Variants in TET3 observed in about 807,000 individuals in gnomAD.
The protein encoded by TET3 is methylcytosine dioxygenase TET3.
Under a neutral mutation model 141.4 loss-of-function variants are expected in TET3, and 19 were observed. The observed-to-expected ratio is 0.13, with a 90% confidence interval of 0.09 to 0.20. TET3 has a LOEUF of 0.20. Ranked by LOEUF, TET3 falls within the 10% of genes least tolerant of loss-of-function variation. The pLI, the probability that TET3 is intolerant of heterozygous loss-of-function variation, is 1.00. For missense variants in TET3, 1,874 were observed against 2,356.9 expected (o/e 0.80, Z 4.24); for synonymous variants, 1,043 against 980.9 (o/e 1.06, Z -1.18).
At position 74,102,133 on chromosome 2, in the gene TET3, A is replaced by G. The variant is rs1256830848; in HGVS notation, c.5345A>G (p.Tyr1782Cys). Residue 1782 changes from tyrosine to cysteine, a missense_variant, in exon 12 of 12, where the codon TAT becomes TGT. Tyr to Cys is a radical substitution (Grantham distance 194). Transcript: ENST00000409262. ...PTDSAVTVSS[Y>C]AYTKVTGPYS... ...GACTCGGCGGTCACCGTGTCCTCCTATGCCTACACGAAGGTCACTGGCCCC... is the reference window on the plus strand; with the variant it reads ...GACTCGGCGGTCACCGTGTCCTCCTGTGCCTACACGAAGGTCACTGGCCCC... The G allele has an allele frequency of 1.6e-5, 23 of 1,480,498 alleles. No homozygotes were observed. Among genetic ancestry groups the G allele is most frequent in the Non-Finnish European group, 2.1e-5 (23 of 1,115,472 alleles). The allele number at this position is 1,480,498 out of a possible 1,614,324, so 91.7% of individuals were successfully genotyped here. A position where few individuals can be genotyped will look rare whatever the true frequency, so the allele number is the denominator to read the frequency against.
At position 74,039,446 on chromosome 2, in the gene TET3, G is replaced by A. The variant is rs980382342; in HGVS notation, c.361-6832G>A. ...TTTCACAGCACTGATATGATTTAGG[G>A]CATTGACTTATATATAGGCCTTTTT... On this transcript the variant is annotated intron_variant, in intron 3 of 11. Coordinates refer to ENST00000409262, the MANE Select transcript of TET3 (RefSeq NM_001287491.2). Among the ~76,000 whole-genome samples the A allele has an allele frequency of 3.3e-5, 5 of 152,272 alleles. No individual in the cohort carries two copies. In the South Asian group the frequency reaches 1.0e-3, roughly 32 times the overall value.
intron 10 of TET3, among the ~76,000 whole-genome samples, chr2:74,096,070 A>G (rs1690806297): frequency 6.6e-6 from 1 of 151,884 alleles, no homozygotes; most frequent in Non-Finnish European, 1.5e-5. Flanking sequence ...TATGTACTTT[A>G]CTTATTTTTT....
Position 74,106,329 on chromosome 2 carries a change from G to GT in TET3, c.*4159dup, listed in dbSNP as rs1418717600. The GT allele has an allele frequency of 6.5e-6, 1 of 152,678 alleles. No individual in the cohort carries two copies. The highest frequency in any genetic ancestry group is 1.5e-5 in the Non-Finnish European group (1 of 68,072). The allele number at this position is 152,678 out of a possible 1,614,324, so 9.5% of individuals were successfully genotyped here. A position where few individuals can be genotyped will look rare whatever the true frequency, so the allele number is the denominator to read the frequency against. On this transcript the variant is annotated 3_prime_UTR_variant, in exon 12 of 12. Transcript: ENST00000409262. ...CTTGATGTGAAAGAAAGGGCGAAGG[G>GT]TTTTTTGAGTTTTTGTTTTTGAGGA...
chr2:74,013,589 C>T (rs1455771156), intron 3 of TET3, among the ~76,000 whole-genome samples: 10 of 151,850 alleles, frequency 6.6e-5, no homozygotes, highest in Admixed American at 6.6e-4. Flanking sequence ...GTGGGTGGAT[C>T]ACGAGGTCAG....
chr2:74,080,670 C>G lies in TET3; in HGVS notation c.2679+79C>G, dbSNP rs193257443. ...ATGGCCACGGCTGTGCCTGGTTCCC[C>G]TTGCTGCATGTAGCTGAGCAGGCGA... is the stretch of plus-strand genomic sequence containing the variant. On this transcript the variant is annotated intron_variant, in intron 6 of 11. Transcript: ENST00000409262. 2.8e-4 allele frequency: 356 copies of G among 1,272,318 alleles called. No individual in the cohort carries two copies. The African/African-American group carries it at 5.2e-3, about 18-fold the overall frequency. 78.8% of individuals were successfully genotyped at this position (1,272,318 alleles called of 1,614,324 possible).
the TET3 span, among the ~76,000 whole-genome samples, chr2:74,114,864 A>AAAAAAAAAAAAAAAAAAAAC: frequency 6.7e-6 from 1 of 149,310 alleles, no homozygotes; most frequent in Non-Finnish European, 1.5e-5. Flanking sequence ...AAAAAAAAAA[A>AAAAAAAAAAAAAAAAAAAAC]AAAAAAAAAA....
In TET3 at chr2:74,105,752, T is replaced by C. The variant is rs950043743; in HGVS notation, c.*3576T>C. On this transcript the variant is annotated 3_prime_UTR_variant, in exon 12 of 12. Transcript: ENST00000409262. ...CTGCTTTGTACCACACAGCAGTAGA[T>C]GTGCAAGGACGGTTGACAATGAGTC... The C allele has an allele frequency of 1.1e-5, 2 of 188,838 alleles. No individual in the cohort carries two copies. The highest frequency in any genetic ancestry group is 4.7e-5 in the African/African-American group (2 of 42,998). 11.7% of individuals were successfully genotyped at this position (188,838 alleles called of 1,614,324 possible). A position where few individuals can be genotyped will look rare whatever the true frequency, so the allele number is the denominator to read the frequency against.
chr2:74,073,404 T>C (rs1031527222), intron 4 of TET3, 145 bp from the exon 5 acceptor site: 1 of 533,866 alleles, frequency 1.9e-6, no homozygotes, highest in Admixed American at 3.6e-5. Flanking sequence ...TCTAATGGAG[T>C]TGAACACCTT....
intron 10 of TET3, among the ~76,000 whole-genome samples, chr2:74,095,310 A>G (rs1690758178): frequency 6.6e-6 from 1 of 152,216 alleles, no homozygotes; most frequent in African/African-American, 2.4e-5. Context: ...GGTGAAATAC[A>G]CAGAAAGGGC....
At position 74,080,390 on chromosome 2, in the gene TET3, C is replaced by T. The variant is rs1432221356; in HGVS notation, c.2586-108C>T. On this transcript the variant is annotated intron_variant, in intron 5 of 11. Coordinates refer to ENST00000409262, the MANE Select transcript of TET3 (RefSeq NM_001287491.2). ...TCTCTTTCTTCTCTGTTGCCCCCGA[C>T]GGTAACCAGAAACTCAAACAAAAGC... The T allele has an allele frequency of 2.4e-5, 22 of 934,128 alleles. 1 individual carries two copies. Among genetic ancestry groups the T allele is most frequent in the South Asian group, 1.9e-4 (13 of 68,558 alleles). 57.9% of individuals were successfully genotyped at this position (934,128 alleles called of 1,614,324 possible).
In TET3 at chr2:74,047,781, C is replaced by T; in HGVS notation, c.1864C>T (p.Pro622Ser). ...GCCCCGGGAAGCACAGCCCCTCTTC[C>T]CACCTGTCCGACAGATTGTCCTGGA... ...SRPREAQPLF[P>S]PVRQIVLEGL... Residue 622 changes from proline to serine, a missense_variant, in exon 4 of 12, where the codon CCA becomes TCA. Physicochemically the swap from Pro to Ser is moderately conservative, Grantham distance 74. Coordinates refer to ENST00000409262, the MANE Select transcript of TET3 (RefSeq NM_001287491.2). 6.2e-7 allele frequency: 1 copy of T among 1,613,800 alleles called. No homozygotes were observed. The highest frequency in any genetic ancestry group is 8.5e-7 in the Non-Finnish European group (1 of 1,179,824).
chr2:74,005,338 ACT>A (rs1290799130), intron 3 of TET3, among the ~76,000 whole-genome samples: 2 of 151,582 alleles, frequency 1.3e-5, no homozygotes, highest in African/African-American at 4.9e-5. Context: ...AGTTTTTAAA[ACT>A]CTGAGGTTGT....
At position 74,101,377 on chromosome 2, in the gene TET3, T is replaced by C. The variant is rs1691204265; in HGVS notation, c.4589T>C (p.Leu1530Pro). 1.2e-6 allele frequency: 2 copies of C among 1,612,868 alleles called. No individual in the cohort carries two copies. Among genetic ancestry groups the C allele is most frequent in the Admixed American group, 1.7e-5 (1 of 59,976 alleles). The change falls in exon 12 of 12, where the codon CTG becomes CCG. Residue 1530 changes from leucine to proline, a missense_variant. Physicochemically the swap from Leu to Pro is moderately conservative, Grantham distance 98 (BLOSUM62 -3). This residue lies in a region of TET3 where 602 missense variants were observed against 590.2 expected (regional missense o/e 1.02). Transcript: ENST00000409262. The surrounding 1 kb of genome is among the most constrained non-coding windows in gnomAD (Gnocchi z 8.5). The stretch of plus-strand genomic sequence containing the variant: ...ACCTCGGCCTTGGCTGGGCCCAGCC[T>C]GACTGAGAAGCCGTGGGCGCTGGGG... ...NSTSALAGPS[L>P]TEKPWALGAG...
At chr2:74,119,063 T>C in the TET3 span, among the ~76,000 whole-genome samples, 18 of 152,292 alleles carry the variant, frequency 1.2e-4, no homozygotes, top group Non-Finnish European at 2.5e-4. Context: ...TTCACAATAT[T>C]GCCAACTTTT....
intron 3 of TET3, among the ~76,000 whole-genome samples, chr2:74,009,093 AT>A (rs1685296152): frequency 6.6e-6 from 1 of 152,064 alleles, no homozygotes; most frequent in African/African-American, 2.4e-5. Context: ...CTCTCTCAAA[AT>A]CCTTGTCCCC....
chr2:73,996,789 A>C (rs1377836276), intron 2 of TET3, among the ~76,000 whole-genome samples: 2 of 152,232 alleles, frequency 1.3e-5, no homozygotes, highest in African/African-American at 4.8e-5. Context: ...GATTACAGGC[A>C]TGAGCCACCA....
At chr2:74,032,485 G>C (rs1686793500) in intron 3 of TET3, among the ~76,000 whole-genome samples, 1 of 150,294 alleles carries the variant, frequency 6.7e-6, no homozygotes, top group African/African-American at 2.5e-5. Context: ...GTGTGTGTGT[G>C]TGTGTGTGTG....
the TET3 span, among the ~76,000 whole-genome samples, chr2:74,133,326 C>G: frequency 6.6e-6 from 1 of 152,220 alleles, no homozygotes; most frequent in African/African-American, 2.4e-5. Context: ...ACCCCAAACA[C>G]TGGCTTAAAA....
At chr2:74,010,825 G>A (rs1298364590) in intron 3 of TET3, among the ~76,000 whole-genome samples, 1 of 152,332 alleles carries the variant, frequency 6.6e-6, no homozygotes, top group East Asian at 1.9e-4. Context: ...CCAAACACTG[G>A]ATTCAGTGTT....
Sources: allele counts gnomAD v4.1 joint callset (sites outside exome capture counted in the v4.1 genomes callset), GRCh38; gene constraint gnomAD v4.1.1; regional missense constraint gnomAD v4.1.1; non-coding constraint Gnocchi (gnomAD v3.1); transcripts MANE v1.5; gene names NCBI Gene and HGNC (gene_info 2026-07-23, HGNC 2026-07-21).